DGKI: variants seen among roughly 807,000 people sequenced by gnomAD.
DGKI encodes DAG kinase iota.
In DGKI, 55 loss-of-function variants were observed where a neutral mutation model predicts 147.5. That is an observed-to-expected ratio of 0.37 (90% confidence interval 0.30 to 0.47). The LOEUF is 0.47. Among genes scored for constraint, DGKI ranks in the 20% least tolerant of loss-of-function variants. The pLI is 1.00. For missense variants in DGKI, 1,007 were observed against 1,323.8 expected, an observed-to-expected ratio of 0.76 and a Z score of 3.71; for synonymous variants, 469 against 477.1, an observed-to-expected ratio of 0.98 and a Z score of 0.22.
At chr7:137,522,370 C>T (rs370452330) in intron 20 of DGKI, among the ~76,000 whole-genome samples, 3 of 152,106 alleles carry the variant, frequency 2.0e-5, no homozygotes, top group African/African-American at 7.2e-5. Context: ...TGGTCAGGGG[C>T]AGCCTGACCC....
At chr7:137,520,086 C>T (rs1157345730) in intron 21 of DGKI, among the ~76,000 whole-genome samples, 1 of 151,940 alleles carries the variant, frequency 6.6e-6, no homozygotes, top group Non-Finnish European at 1.5e-5. Flanking sequence ...GTTGGAAAAC[C>T]TCAAACCACA....
chr7:137,669,403 C>T (rs937515961), intron 3 of DGKI, among the ~76,000 whole-genome samples: 2 of 152,198 alleles, frequency 1.3e-5, no homozygotes, highest in South Asian at 4.1e-4. Context: ...TGGTTAAACC[C>T]CAGTACTGTG....
At chr7:137,736,053 T>C (rs1343906606) in intron 1 of DGKI, among the ~76,000 whole-genome samples, 2 of 152,058 alleles carry the variant, frequency 1.3e-5, no homozygotes, top group African/African-American at 2.4e-5. Context: ...ACATGTTGTG[T>C]AGAAAGCCAC....
intron 3 of DGKI, among the ~76,000 whole-genome samples, chr7:137,658,689 AAACTC>A (rs1822311193): frequency 2.0e-5 from 3 of 152,232 alleles, no homozygotes; most frequent in Non-Finnish European, 4.4e-5. Context: ...GATGCGGAGA[AAACTC>A]AGGAAGCCTC....
In DGKI at chr7:137,387,234, T is replaced by C. The variant is rs1191650584; in HGVS notation, c.*3986A>G. ...CTTTACTTGAAATACAAACATAGCATAGATAAGTCTTGGGGCTATGGTAGG... is the reference window on the plus strand; with the variant it reads ...CTTTACTTGAAATACAAACATAGCACAGATAAGTCTTGGGGCTATGGTAGG... On this transcript the variant is annotated 3_prime_UTR_variant, in exon 33 of 33. Coordinates refer to ENST00000614521, the MANE Select transcript of DGKI (RefSeq NM_001321708.2). 1.3e-5 allele frequency: 2 copies of C among 152,092 alleles called. No homozygotes were observed. The allele number at this position is 152,092 out of a possible 1,614,324, so 9.4% of individuals were successfully genotyped here. A position where few individuals can be genotyped will look rare whatever the true frequency, so the allele number is the denominator to read the frequency against.
chr7:137,557,290 T>C (rs1231474243), intron 19 of DGKI, among the ~76,000 whole-genome samples: 2 of 151,642 alleles, frequency 1.3e-5, no homozygotes, highest in Non-Finnish European at 2.9e-5. Context: ...TAAGGATAGT[T>C]GGAAAGAACA....
At chr7:137,604,239 C>A (rs1214222868) in intron 10 of DGKI, among the ~76,000 whole-genome samples, 1 of 152,198 alleles carries the variant, frequency 6.6e-6, no homozygotes, top group Non-Finnish European at 1.5e-5. Context: ...CTCTTCCCTG[C>A]CTACTCTAAA....
intron 30 of DGKI, among the ~76,000 whole-genome samples, chr7:137,406,063 C>A (rs1811935521): frequency 6.6e-6 from 1 of 152,108 alleles, no homozygotes; most frequent in Non-Finnish European, 1.5e-5. Context: ...TCTCACCTAA[C>A]TCCAGAGAGA....
At chr7:137,602,505 A>T (rs1820028595) in intron 10 of DGKI, among the ~76,000 whole-genome samples, 1 of 152,214 alleles carries the variant, frequency 6.6e-6, no homozygotes, top group Non-Finnish European at 1.5e-5. Context: ...TCTTTTAAAA[A>T]GTAATCTTCT....
intron 23 of DGKI, among the ~76,000 whole-genome samples, chr7:137,481,456 A>G (rs559467272): frequency 1.3e-5 from 2 of 152,268 alleles, no homozygotes; most frequent in Non-Finnish European, 2.9e-5. Flanking sequence ...CTGCAAGTGC[A>G]ATGCATTTTG....
intron 1 of DGKI, among the ~76,000 whole-genome samples, chr7:137,703,465 A>G (rs1192062778): frequency 6.6e-6 from 1 of 152,222 alleles, no homozygotes; most frequent in East Asian, 1.9e-4. Flanking sequence ...GGCATTACAC[A>G]AACAGGAAGT....
intron 1 of DGKI, among the ~76,000 whole-genome samples, chr7:137,793,603 G>A (rs746121769): frequency 1.3e-5 from 2 of 152,074 alleles, no homozygotes; most frequent in Admixed American, 6.6e-5. Context: ...CACTGCACCC[G>A]GCCTACATTT....
At chr7:137,536,244 G>A (rs992543041) in intron 20 of DGKI, among the ~76,000 whole-genome samples, 1 of 152,132 alleles carries the variant, frequency 6.6e-6, no homozygotes, top group African/African-American at 2.4e-5. Flanking sequence ...GCAATCATAG[G>A]CAAGTTTCCT....
chr7:137,422,229 C>T (rs964529976), intron 28 of DGKI, among the ~76,000 whole-genome samples: 17 of 152,162 alleles, frequency 1.1e-4, no homozygotes, highest in African/African-American at 4.1e-4. Flanking sequence ...GGCCAATAGA[C>T]TCACACTCTT....
chr7:137,479,673 A>C (rs1440442624), intron 23 of DGKI, among the ~76,000 whole-genome samples: 1 of 152,204 alleles, frequency 6.6e-6, no homozygotes, highest in East Asian at 1.9e-4. Context: ...TTTCTTTCAT[A>C]AAATTGAGAA....
Position 137,465,933 on chromosome 7 carries a change from C to A in DGKI, c.2587G>T (p.Asp863Tyr). 1 of 1,614,092 alleles carries A rather than the reference C, an allele frequency of 6.2e-7. No individual in the cohort carries two copies. The highest frequency in any genetic ancestry group is 1.1e-5 in the South Asian group (1 of 91,046). ...QPAGTPPGMPDLVVEQASGIS... is the reference protein window; with the variant it reads ...QPAGTPPGMPYLVVEQASGIS... ...CCCGAGGCTTGTTCCACCACCAGGT[C>A]AGGCATGCCCGGAGGTGTCCCCGCC... is the stretch of plus-strand genomic sequence containing the variant. Residue 863 changes from aspartate (D) to tyrosine (Y), a missense_variant, in exon 26 of 33, where the codon GAC (aspartate) becomes TAC (tyrosine). By Grantham distance (160) the Asp-to-Tyr change is radical. Coordinates refer to ENST00000614521, the MANE Select transcript of DGKI (RefSeq NM_001321708.2).
chr7:137,551,642 T>C (rs558718612), intron 20 of DGKI, among the ~76,000 whole-genome samples: 98 of 152,298 alleles, frequency 6.4e-4, no homozygotes, highest in African/African-American at 2.0e-3. Context: ...ACTTAATCAC[T>C]AGTTGGAGTG....
chr7:137,661,486 C>T, intron 3 of DGKI, among the ~76,000 whole-genome samples: 1 of 151,994 alleles, frequency 6.6e-6, no homozygotes, highest in East Asian at 1.9e-4. Context: ...GGGGAAAGGG[C>T]CAGAGGGGGG....
intron 30 of DGKI, among the ~76,000 whole-genome samples, chr7:137,407,321 TAGAA>T (rs1461696766): frequency 2.6e-5 from 4 of 152,192 alleles, no homozygotes; most frequent in Non-Finnish European, 5.9e-5. Flanking sequence ...GAAATCCAGT[TAGAA>T]AGCAGTCTGG....
Sources: gnomAD v4.1 joint callset for allele counts (sites outside exome capture counted in the v4.1 genomes callset) on GRCh38, gnomAD v4.1.1 for gene constraint, MANE v1.5 for transcripts, NCBI Gene and HGNC (gene_info 2026-07-23, HGNC 2026-07-21) for gene names.